FSTL5: variants seen among roughly 807,000 people sequenced by gnomAD.
FSTL5 encodes the protein follistatin like 5, also known as follistatin-related protein 5.
FSTL5 carries 62 observed loss-of-function variants against 89.1 expected under a neutral mutation model. That is an observed-to-expected ratio of 0.70 (90% CI 0.57 to 0.86). The LOEUF is 0.86. FSTL5 is among the 40% of genes least tolerant of loss of function. FSTL5 has a pLI of 0.00. For synonymous variants in FSTL5, 383 were observed against 346.2 expected, an observed-to-expected ratio of 1.11 and a Z score of -1.18; for missense variants, 1,057 against 1,001.6, an observed-to-expected ratio of 1.06 and a Z score of -0.75.
At chr4:161,631,111 C>G (rs562041234) in intron 7 of FSTL5, among the ~76,000 whole-genome samples, 1 of 152,214 alleles carries the variant, frequency 6.6e-6, no homozygotes, top group African/African-American at 2.4e-5. Context: ...GATTCTTCAC[C>G]GGTGCCTTAT....
intron 6 of FSTL5, among the ~76,000 whole-genome samples, chr4:161,704,968 C>G (rs1409877619): frequency 6.6e-6 from 1 of 151,822 alleles, no homozygotes; most frequent in Non-Finnish European, 1.5e-5. Flanking sequence ...TTTTTAAAAC[C>G]CTGACATCTG....
chr4:162,147,368 G>A lies in FSTL5; in HGVS notation c.-17+16247C>T, dbSNP rs561936737. Among the ~76,000 whole-genome samples, 59 of 151,950 alleles carry A rather than the reference G, an allele frequency of 3.9e-4. No homozygotes were observed. In the South Asian group the frequency reaches 5.6e-3, roughly 14 times the overall value. On this transcript the variant is annotated intron_variant, in intron 1 of 15. Transcript: ENST00000306100. ...AAAATACTACTTTTCAAAAAATGTT[G>A]AACAAGTTCAACATCAAGAAGCATT...
intron 2 of FSTL5, among the ~76,000 whole-genome samples, chr4:162,100,863 G>T (rs1416189721): frequency 6.6e-6 from 1 of 152,178 alleles, no homozygotes; most frequent in African/African-American, 2.4e-5. Flanking sequence ...GTGAGAAAGA[G>T]AAAAGAGGCC....
intron 4 of FSTL5, among the ~76,000 whole-genome samples, chr4:161,839,503 A>G (rs1223438749): frequency 6.6e-6 from 1 of 152,196 alleles, no homozygotes; most frequent in African/African-American, 2.4e-5. Flanking sequence ...CTCAACAATA[A>G]AAGGGAGTAA....
chr4:161,638,387 A>G (rs1334896711), intron 7 of FSTL5, among the ~76,000 whole-genome samples: 1 of 152,208 alleles, frequency 6.6e-6, no homozygotes, highest in South Asian at 2.1e-4. Context: ...GGTTTTCTAG[A>G]TATACAACCA....
intron 12 of FSTL5, among the ~76,000 whole-genome samples, 190 bp from the exon 13 acceptor site, chr4:161,481,359 G>T (rs1729501016): frequency 1.3e-5 from 2 of 151,992 alleles, no homozygotes; most frequent in Admixed American, 1.3e-4. Flanking sequence ...ATGTAAATGA[G>T]ATTCCTTTAA....
intron 6 of FSTL5, among the ~76,000 whole-genome samples, chr4:161,724,445 T>C (rs1025007517): frequency 3.3e-5 from 5 of 152,166 alleles, no homozygotes; most frequent in Non-Finnish European, 5.9e-5. Flanking sequence ...CACTCATATA[T>C]GTACATGTAT....
At chr4:161,425,466 G>A (rs1732138079) in intron 15 of FSTL5, among the ~76,000 whole-genome samples, 1 of 152,210 alleles carries the variant, frequency 6.6e-6, no homozygotes, top group South Asian at 2.1e-4. Context: ...ACACTTGGCA[G>A]TATGGTGAAT....
At chr4:161,516,168 T>C (rs1730821829) in intron 10 of FSTL5, among the ~76,000 whole-genome samples, 1 of 148,876 alleles carries the variant, frequency 6.7e-6, no homozygotes, top group African/African-American at 2.4e-5. Flanking sequence ...TTGAATATAT[T>C]TGGAAATATT....
intron 4 of FSTL5, among the ~76,000 whole-genome samples, chr4:161,827,897 C>T (rs1177093616): frequency 1.3e-5 from 2 of 152,160 alleles, no homozygotes; most frequent in South Asian, 2.1e-4. Context: ...TTTCAGATTT[C>T]GTACCACCCT....
chr4:161,407,901 C>G (rs1283479122), intron 15 of FSTL5, among the ~76,000 whole-genome samples: 1 of 152,152 alleles, frequency 6.6e-6, no homozygotes, highest in African/African-American at 2.4e-5. Flanking sequence ...AGAAAGAACC[C>G]AGTCCCGAGC....
At chr4:161,824,079 C>A (rs888938128) in intron 4 of FSTL5, among the ~76,000 whole-genome samples, 1 of 152,156 alleles carries the variant, frequency 6.6e-6, no homozygotes, top group Non-Finnish European at 1.5e-5. Context: ...GTCATGAAGT[C>A]TTTGCCTAAG....
intron 10 of FSTL5, among the ~76,000 whole-genome samples, chr4:161,531,654 T>C (rs568959519): frequency 3.3e-5 from 5 of 152,138 alleles, no homozygotes; most frequent in Non-Finnish European, 2.9e-5. Context: ...ATTTTGAAAT[T>C]TATTTAAAGT....
intron 15 of FSTL5, among the ~76,000 whole-genome samples, chr4:161,391,614 G>T (rs1730825279): frequency 6.6e-6 from 1 of 152,126 alleles, no homozygotes; most frequent in Non-Finnish European, 1.5e-5. Context: ...AGAAAAGATT[G>T]AATGTCCTTC....
chr4:161,735,209 T>C (rs1227611390), intron 6 of FSTL5, among the ~76,000 whole-genome samples: 1 of 152,120 alleles, frequency 6.6e-6, no homozygotes, highest in Non-Finnish European at 1.5e-5. Context: ...ATAGAGGATA[T>C]TACAAAGTAT....
chr4:161,428,674 T>A (rs1732247067), intron 15 of FSTL5, among the ~76,000 whole-genome samples: 1 of 151,818 alleles, frequency 6.6e-6, no homozygotes, highest in South Asian at 2.1e-4. Flanking sequence ...GCAAGACTCA[T>A]CACCTGCTGA....
chr4:161,643,446 A>T (rs926878943), intron 7 of FSTL5, among the ~76,000 whole-genome samples: 4 of 150,674 alleles, frequency 2.7e-5, no homozygotes. Flanking sequence ...AAATTATTTT[A>T]TATTGCAGTA....
At chr4:161,917,236 A>G (rs547961094) in intron 4 of FSTL5, among the ~76,000 whole-genome samples, 2 of 152,276 alleles carry the variant, frequency 1.3e-5, no homozygotes, top group Admixed American at 6.5e-5. Flanking sequence ...GATTGCAGGC[A>G]TGAGCCACCG....
chr4:161,875,445 G>A (rs1397897208), intron 4 of FSTL5, among the ~76,000 whole-genome samples: 1 of 151,982 alleles, frequency 6.6e-6, no homozygotes, highest in African/African-American at 2.4e-5. Context: ...TTCATCTTCC[G>A]GTTGGCTGCT....
Sources: allele counts gnomAD v4.1 joint callset (sites outside exome capture counted in the v4.1 genomes callset), GRCh38; gene constraint gnomAD v4.1.1; transcripts MANE v1.5; gene names NCBI Gene and HGNC (gene_info 2026-07-23, HGNC 2026-07-21).